Variants in MAPT observed in about 807,000 individuals in gnomAD.
The protein encoded by MAPT is microtubule-associated protein tau.
Under a neutral mutation model 67.9 loss-of-function variants are expected in MAPT, and 34 were observed. That is an observed-to-expected ratio of 0.50 (90% CI 0.38 to 0.67). MAPT has a LOEUF of 0.67. Ranked by LOEUF, MAPT falls within the 30% of genes least tolerant of loss-of-function variation. MAPT has a pLI of 0.00. For synonymous variants in MAPT, 456 were observed against 464.5 expected (o/e 0.98, Z 0.23); for missense variants, 881 against 1,115.2 (o/e 0.79, Z 2.99).
chr17:46,013,087 C>A (rs1191625716), intron 10 of MAPT, among the ~76,000 whole-genome samples: 1 of 152,224 alleles, frequency 6.6e-6, no homozygotes, highest in Non-Finnish European at 1.5e-5. Context: ...GAAACCACCA[C>A]CTGCCCTGCA....
At chr17:45,988,548 G>A (rs566598545) in intron 6 of MAPT, among the ~76,000 whole-genome samples, 4 of 152,204 alleles carry the variant, frequency 2.6e-5, no homozygotes, top group African/African-American at 7.2e-5. Context: ...GCAGACACCC[G>A]TCCCTGGCTG....
intron 2 of MAPT, among the ~76,000 whole-genome samples, chr17:45,962,745 G>A (rs2145314935): frequency 6.6e-6 from 1 of 152,190 alleles, no homozygotes; most frequent in African/African-American, 2.4e-5. Context: ...GGGCAACATA[G>A]CAAGACCCCG....
At chr17:46,012,324 T>C (rs733967) in intron 10 of MAPT, among the ~76,000 whole-genome samples, 21,718 of 151,886 alleles carry the variant, frequency 0.14, 2,088 homozygotes, top group Non-Finnish European at 0.22. Flanking sequence ...CCGCGCTGTG[T>C]TCATCTGCGG....
chr17:46,011,176 C>T (rs950088059), intron 10 of MAPT, among the ~76,000 whole-genome samples: 3 of 152,064 alleles, frequency 2.0e-5, no homozygotes, highest in Admixed American at 1.3e-4. Context: ...GCGGGAGGTT[C>T]GCTTGAGCCC....
intron 1 of MAPT, among the ~76,000 whole-genome samples, chr17:45,957,382 G>T (rs187390664): frequency 6.6e-6 from 1 of 152,294 alleles, no homozygotes; most frequent in East Asian, 1.9e-4. Flanking sequence ...GTCTGTTGGC[G>T]AACTCTAGCA....
At chr17:45,981,907 C>A (rs1158856060) in intron 4 of MAPT, among the ~76,000 whole-genome samples, 1 of 151,472 alleles carries the variant, frequency 6.6e-6, no homozygotes, top group African/African-American at 2.4e-5. Context: ...GTGGTCCCAG[C>A]TGCTTGGGAG....
At chr17:45,949,390 T>C (rs941912857) in intron 1 of MAPT, among the ~76,000 whole-genome samples, 41 of 152,252 alleles carry the variant, frequency 2.7e-4, no homozygotes, top group Admixed American at 1.4e-3. Context: ...CCTGAGCCCC[T>C]GGACTCTTGA....
intron 1 of MAPT, among the ~76,000 whole-genome samples, chr17:45,899,460 G>A (rs1477712345): frequency 6.6e-6 from 1 of 152,176 alleles, no homozygotes; most frequent in Non-Finnish European, 1.5e-5. Context: ...TGTAGCAGGT[G>A]CTGTTATTAT....
chr17:45,945,114 G>T (rs1190741050), intron 1 of MAPT, among the ~76,000 whole-genome samples: 1 of 152,202 alleles, frequency 6.6e-6, no homozygotes, highest in East Asian at 1.9e-4. Flanking sequence ...GGGGCTTCAT[G>T]ATTGGTTGGT....
chr17:45,985,549 G>T (rs62063790), intron 5 of MAPT: 56,336 of 306,696 alleles, frequency 0.18, 6,157 homozygotes, highest in Non-Finnish European at 0.23. Flanking sequence ...AGGCTTTTCT[G>T]CTGCAGGACT....
chr17:45,910,348 G>A (rs1010445287), intron 1 of MAPT, among the ~76,000 whole-genome samples: 1 of 152,158 alleles, frequency 6.6e-6, no homozygotes, highest in Non-Finnish European at 1.5e-5. Context: ...GAGGTTCAGA[G>A]GGATTCAGGG....
chr17:45,930,421 A>G (rs376992574), intron 1 of MAPT, among the ~76,000 whole-genome samples: 74 of 149,796 alleles, frequency 4.9e-4, no homozygotes, highest in African/African-American at 1.3e-3. Context: ...AAAAAAAAAA[A>G]AAAGAAAAGG....
At chr17:45,894,904 CGTGT>C (rs1054530888) in intron 1 of MAPT, 4 of 152,208 alleles carry the variant, frequency 2.6e-5, no homozygotes, top group African/African-American at 9.7e-5. Flanking sequence ...TGAGTGCGCG[CGTGT>C]GTGTGTGCTG....
chr17:46,003,852 C>A (rs1470594613), intron 9 of MAPT, among the ~76,000 whole-genome samples: 1 of 152,058 alleles, frequency 6.6e-6, no homozygotes, highest in African/African-American at 2.4e-5. Context: ...TCTGAAAAAT[C>A]TGTGTGAATC....
intron 1 of MAPT, among the ~76,000 whole-genome samples, chr17:45,940,918 C>T (rs950124621): frequency 2.0e-5 from 3 of 152,198 alleles, no homozygotes; most frequent in Non-Finnish European, 2.9e-5. Context: ...TCTGAGATTG[C>T]ATAAACAATA....
chr17:45,953,371 C>T (rs1170236954), intron 1 of MAPT, among the ~76,000 whole-genome samples: 1 of 152,196 alleles, frequency 6.6e-6, no homozygotes, highest in Non-Finnish European at 1.5e-5. Flanking sequence ...AAAGCATTAG[C>T]ATGGGGCAGC....
chr17:46,014,341 T>C lies in MAPT; in HGVS notation c.2173+17T>C, dbSNP rs768223243. 6.2e-7 allele frequency: 1 copy of C among 1,600,774 alleles called. No homozygotes were observed. The highest frequency in any genetic ancestry group is 8.6e-7 in the Non-Finnish European group (1 of 1,168,312). On this transcript the variant is annotated intron_variant, in intron 11 of 12. Transcript: ENST00000262410. ...ATAAACCAGGTAGCCCTGTGGAAGG[T>C]GAGGGTTGGGACGGGAGGGTGCAGG...
chr17:45,942,949 A>G (rs2068129634), intron 1 of MAPT, among the ~76,000 whole-genome samples: 1 of 152,228 alleles, frequency 6.6e-6, no homozygotes, highest in Non-Finnish European at 1.5e-5. Context: ...GACTCCCTGC[A>G]CTGCGCTGTG....
chr17:45,979,793 G>A (rs968527022), intron 4 of MAPT: 4 of 152,170 alleles, frequency 2.6e-5, no homozygotes, highest in African/African-American at 9.7e-5. Flanking sequence ...TCTACTGATT[G>A]TTAGTGCAGG....
Sources: allele counts gnomAD v4.1 joint callset (sites outside exome capture counted in the v4.1 genomes callset), GRCh38; gene constraint gnomAD v4.1.1; transcripts MANE v1.5; gene names NCBI Gene and HGNC (gene_info 2026-07-23, HGNC 2026-07-21).